SPATA31D4: variants seen among roughly 807,000 people sequenced by gnomAD.
The protein encoded by SPATA31D4 is spermatogenesis-associated protein 31D4.
For missense variants in SPATA31D4, 73 were observed against 279.1 expected, an observed-to-expected ratio of 0.26 and a Z score of 5.26; for synonymous variants, 23 against 102.8, an observed-to-expected ratio of 0.22 and a Z score of 4.70.
rs1823793650 is a variant in SPATA31D4 at position 81,932,973 on chromosome 9, A to G, written c.*58A>G. On this transcript the variant is annotated 3_prime_UTR_variant, in exon 4 of 4. Coordinates refer to ENST00000419782, the MANE Select transcript of SPATA31D4 (RefSeq NM_001145197.1). ...GAACCCATAGAAATCTTCAAATCAG[A>G]AGAGGATATTTCCAATTCCTTTTCC... The G allele has an allele frequency of 8.0e-6, 12 of 1,508,140 alleles. No individual in the cohort carries two copies. Among genetic ancestry groups the G allele is most frequent in the Non-Finnish European group, 1.0e-5 (11 of 1,103,448 alleles). 93.4% of individuals were successfully genotyped at this position (1,508,140 alleles called of 1,614,324 possible).
chr9:81,934,570 A>C lies in SPATA31D4; in HGVS notation c.*1655A>C. On this transcript the variant is annotated 3_prime_UTR_variant, in exon 4 of 4. Coordinates refer to ENST00000419782, the MANE Select transcript of SPATA31D4 (RefSeq NM_001145197.1). The stretch of plus-strand genomic sequence containing the variant: ...ACAACCCAGAAGTGCAGGTCAGAGC[A>C]GAGCCCTTCCAGGGCTATCCCCGCA... 4.4e-6 allele frequency: 4 copies of C among 917,402 alleles called. No homozygotes were observed. In the South Asian group the frequency reaches 5.5e-5, roughly 13 times the overall value. 56.8% of individuals were successfully genotyped at this position (917,402 alleles called of 1,614,324 possible).
Position 81,933,004 on chromosome 9 carries a change from C to G in SPATA31D4, c.*89C>G. On this transcript the variant is annotated 3_prime_UTR_variant, in exon 4 of 4. Transcript: ENST00000419782. The stretch of plus-strand genomic sequence containing the variant: ...ATATTTCCAATTCCTTTTCCCATTT[C>G]TACCTTCCCTCCTCAGCCAGCTTTA... The G allele has an allele frequency of 6.9e-7, 1 of 1,453,450 alleles. No homozygotes were observed. The highest frequency in any genetic ancestry group is 1.2e-5 in the South Asian group (1 of 80,686). The allele number at this position is 1,453,450 out of a possible 1,614,324, so 90.0% of individuals were successfully genotyped here. A position where few individuals can be genotyped will look rare whatever the true frequency, so the allele number is the denominator to read the frequency against.
Position 81,932,839 on chromosome 9 carries a change from G to T in SPATA31D4, c.2678G>T (p.Ser893Ile). ...ACCTCCCAGGAGATGTCCTTCCTTA[G>T]TTCCAACAAACAAAAGATGTTGGAA... ...VDTSQEMSFL[S>I]SNKQKMLEAH... Residue 893 changes from serine to isoleucine, a missense_variant, in exon 4 of 4, where the codon AGT becomes ATT. By Grantham distance (142) the Ser-to-Ile change is moderately radical (BLOSUM62 -2). Transcript: ENST00000419782. The T allele has an allele frequency of 2.0e-6, 3 of 1,526,588 alleles. 1 individual carries two copies. The highest frequency in any genetic ancestry group is 2.7e-6 in the Non-Finnish European group (3 of 1,115,308). 94.6% of individuals were successfully genotyped at this position (1,526,588 alleles called of 1,614,324 possible). A position where few individuals can be genotyped will look rare whatever the true frequency, so the allele number is the denominator to read the frequency against.
In SPATA31D4 at chr9:81,934,178, C is replaced by T. The variant is rs534203103; in HGVS notation, c.*1263C>T. On this transcript the variant is annotated 3_prime_UTR_variant, in exon 4 of 4. Coordinates refer to ENST00000419782, the MANE Select transcript of SPATA31D4 (RefSeq NM_001145197.1). ...ATCCCAACTCACTAGAAAGAGCCTCCCTGTTCATAACAAGGCATCAGGAGA... is the reference window on the plus strand; with the variant it reads ...ATCCCAACTCACTAGAAAGAGCCTCTCTGTTCATAACAAGGCATCAGGAGA... The T allele has an allele frequency of 8.4e-5, 32 of 383,110 alleles. No individual in the cohort carries two copies. The highest frequency in any genetic ancestry group is 1.4e-4 in the Non-Finnish European group (28 of 195,132). The allele number at this position is 383,110 out of a possible 1,614,324, so 23.7% of individuals were successfully genotyped here.
At position 81,933,134 on chromosome 9, in the gene SPATA31D4, C is replaced by T. The variant is rs1480044165; in HGVS notation, c.*219C>T. 1 of 813,914 alleles carries T rather than the reference C, an allele frequency of 1.2e-6. No individual in the cohort carries two copies. The highest frequency in any genetic ancestry group is 2.0e-6 in the Non-Finnish European group (1 of 501,936). 50.4% of individuals were successfully genotyped at this position (813,914 alleles called of 1,614,324 possible). The stretch of plus-strand genomic sequence containing the variant: ...AAGCTCAGTCCCTGTCCTTAATCAT[C>T]CTCAGCCTGTCTCCTCACCTATTGG... On this transcript the variant is annotated 3_prime_UTR_variant, in exon 4 of 4. Coordinates refer to ENST00000419782, the MANE Select transcript of SPATA31D4 (RefSeq NM_001145197.1).
chr9:81,934,585 C>T lies in SPATA31D4; in HGVS notation c.*1670C>T. On this transcript the variant is annotated 3_prime_UTR_variant, in exon 4 of 4. Transcript: ENST00000419782. ...AGGTCAGAGCAGAGCCCTTCCAGGG[C>T]TATCCCCGCAACTACACAGCTCCCT... The T allele has an allele frequency of 1.1e-6, 1 of 922,624 alleles. No individual in the cohort carries two copies. Among genetic ancestry groups the T allele is most frequent in the Non-Finnish European group, 1.6e-6 (1 of 616,918 alleles). 57.2% of individuals were successfully genotyped at this position (922,624 alleles called of 1,614,324 possible). A position where few individuals can be genotyped will look rare whatever the true frequency, so the allele number is the denominator to read the frequency against.
Position 81,932,735 on chromosome 9 carries a change from A to G in SPATA31D4, c.2574A>G (p.Ile858Met), listed in dbSNP as rs961150856. 22 of 1,521,120 alleles carry G rather than the reference A, an allele frequency of 1.4e-5. 2 individuals carry two copies. Among genetic ancestry groups the G allele is most frequent in the Admixed American group, 3.6e-5 (2 of 54,914 alleles). 94.2% of individuals were successfully genotyped at this position (1,521,120 alleles called of 1,614,324 possible). ...CATGGCACTCAGTCAAGCAGACAAT[A>G]TGTCTTCCTGAGAAATCCCACAGCC... ...HSSWHSVKQT[I>M]CLPEKSHSQI... The change falls in exon 4 of 4, where the codon ATA becomes ATG. Residue 858 changes from isoleucine (I) to methionine (M), a missense_variant. By Grantham distance (10) the Ile-to-Met change is conservative (BLOSUM62 1). Coordinates refer to ENST00000419782, the MANE Select transcript of SPATA31D4 (RefSeq NM_001145197.1).
chr9:81,932,834 C>T lies in SPATA31D4; in HGVS notation c.2673C>T (p.Phe891=), dbSNP rs1235217580. The change falls in exon 4 of 4, where the codon TTC becomes TTT. Residue 891 remains phenylalanine (F), a synonymous_variant. Coordinates refer to ENST00000419782, the MANE Select transcript of SPATA31D4 (RefSeq NM_001145197.1). ...TTGATACCTCCCAGGAGATGTCCTT[C>T]CTTAGTTCCAACAAACAAAAGATGT... is the stretch of plus-strand genomic sequence containing the variant. ...HGVDTSQEMS[F]LSSNKQKMLE... 2.6e-6 allele frequency: 4 copies of T among 1,528,590 alleles called. No homozygotes were observed. In the Admixed American group the frequency reaches 5.4e-5, roughly 21 times the overall value. The allele number at this position is 1,528,590 out of a possible 1,614,324, so 94.7% of individuals were successfully genotyped here.
chr9:81,933,120 C>A lies in SPATA31D4; in HGVS notation c.*205C>A. 1.8e-6 allele frequency: 2 copies of A among 1,114,296 alleles called. No homozygotes were observed. Among genetic ancestry groups the A allele is most frequent in the African/African-American group, 1.5e-5 (1 of 66,482 alleles). The allele number at this position is 1,114,296 out of a possible 1,614,324, so 69.0% of individuals were successfully genotyped here. ...AAGTTGGGAACAACAAGCTCAGTCC[C>A]TGTCCTTAATCATCCTCAGCCTGTC... On this transcript the variant is annotated 3_prime_UTR_variant, in exon 4 of 4. Transcript: ENST00000419782.
chr9:81,934,120 A>T lies in SPATA31D4; in HGVS notation c.*1205A>T. ...TGAGCCCTTTAAGACCCAATGGAGG[A>T]GAGCTTGGTGGAGGGGATGCAGGGT... On this transcript the variant is annotated 3_prime_UTR_variant, in exon 4 of 4. Coordinates refer to ENST00000419782, the MANE Select transcript of SPATA31D4 (RefSeq NM_001145197.1). 7.1e-6 allele frequency: 3 copies of T among 421,300 alleles called. 1 individual carries two copies. Among genetic ancestry groups the T allele is most frequent in the Non-Finnish European group, 1.3e-5 (3 of 222,766 alleles). 26.1% of individuals were successfully genotyped at this position (421,300 alleles called of 1,614,324 possible).
At position 81,934,679 on chromosome 9, in the gene SPATA31D4, A is replaced by C; in HGVS notation, c.*1764A>C. ...CTTTGTTGGACAGAATTATCCTACA[A>C]GGATTAGACAGATCATAGACAAGGA... On this transcript the variant is annotated 3_prime_UTR_variant, in exon 4 of 4. Transcript: ENST00000419782. The C allele has an allele frequency of 3.0e-5, 20 of 668,984 alleles. 2 individuals are homozygous for C. The South Asian group carries it at 3.2e-4, about 11-fold the overall frequency. 41.4% of individuals were successfully genotyped at this position (668,984 alleles called of 1,614,324 possible).
At chr9:81,930,204 T>A in intron 3 of SPATA31D4, 44 bp downstream of exon 3, 76 of 201,054 alleles carry the variant, frequency 3.8e-4, no homozygotes, top group Middle Eastern at 1.6e-3. Flanking sequence ...CCGCCTTCTT[T>A]TTTTTTTTTT....
chr9:81,932,923 G>A lies in SPATA31D4; in HGVS notation c.*8G>A, dbSNP rs1432187570. ...TTAAATCTTTCCATATGAGGATGCT[G>A]TGGGGCCTTCCCCGCAAGATCCGTG... is the stretch of plus-strand genomic sequence containing the variant. On this transcript the variant is annotated 3_prime_UTR_variant, in exon 4 of 4. Transcript: ENST00000419782. 2.0e-6 allele frequency: 3 copies of A among 1,501,546 alleles called. No individual in the cohort carries two copies. Among genetic ancestry groups the A allele is most frequent in the Non-Finnish European group, 2.7e-6 (3 of 1,100,404 alleles). 93.0% of individuals were successfully genotyped at this position (1,501,546 alleles called of 1,614,324 possible).
In SPATA31D4 at chr9:81,933,114, C is replaced by T. The variant is rs1333883437; in HGVS notation, c.*199C>T. On this transcript the variant is annotated 3_prime_UTR_variant, in exon 4 of 4. Transcript: ENST00000419782. The stretch of plus-strand genomic sequence containing the variant: ...GGAGAAAAGTTGGGAACAACAAGCT[C>T]AGTCCCTGTCCTTAATCATCCTCAG... 50 of 1,173,294 alleles carry T rather than the reference C, an allele frequency of 4.3e-5. 7 individuals carry two copies. The highest frequency in any genetic ancestry group is 1.3e-4 in the Admixed American group (7 of 53,442). The allele number at this position is 1,173,294 out of a possible 1,614,324, so 72.7% of individuals were successfully genotyped here.
rs1227101003 is a variant in SPATA31D4, at chr9:81,933,381, T to C, written c.*466T>C. ...AAGCAGGGGACCCTCAGAAGAGAAT[T>C]CGCTGATACTGACGAGGATCTTACA... On this transcript the variant is annotated 3_prime_UTR_variant, in exon 4 of 4. Coordinates refer to ENST00000419782, the MANE Select transcript of SPATA31D4 (RefSeq NM_001145197.1). The C allele has an allele frequency of 2.5e-5, 4 of 162,372 alleles. No homozygotes were observed. The Admixed American group carries it at 4.3e-4, about 17-fold the overall frequency. The allele number at this position is 162,372 out of a possible 1,614,324, so 10.1% of individuals were successfully genotyped here. A position where few individuals can be genotyped will look rare whatever the true frequency, so the allele number is the denominator to read the frequency against.
chr9:81,934,811 CA>C lies in SPATA31D4; in HGVS notation c.*1897del. 5.6e-6 allele frequency: 3 copies of C among 535,878 alleles called. No homozygotes were observed. Among genetic ancestry groups the C allele is most frequent in the Non-Finnish European group, 1.0e-5 (3 of 296,318 alleles). 33.2% of individuals were successfully genotyped at this position (535,878 alleles called of 1,614,324 possible). ...TGTGCCACATCTAAACCCCACTTGT[CA>C]GCGTCAAGTCACCCTGGTGTGTCCA... On this transcript the variant is annotated 3_prime_UTR_variant, in exon 4 of 4. Coordinates refer to ENST00000419782, the MANE Select transcript of SPATA31D4 (RefSeq NM_001145197.1).
rs1374517737 is a variant in SPATA31D4 at position 81,932,927 on chromosome 9, G to T, written c.*12G>T. On this transcript the variant is annotated 3_prime_UTR_variant, in exon 4 of 4. Transcript: ENST00000419782. ...ATCTTTCCATATGAGGATGCTGTGG[G>T]GCCTTCCCCGCAAGATCCGTGAACC... 1 of 1,502,066 alleles carries T rather than the reference G, an allele frequency of 6.7e-7. No homozygotes were observed. The highest frequency in any genetic ancestry group is 9.1e-7 in the Non-Finnish European group (1 of 1,100,614). 93.0% of individuals were successfully genotyped at this position (1,502,066 alleles called of 1,614,324 possible).
rs1823821384 is a variant in SPATA31D4, at chr9:81,934,153, A to G, written c.*1238A>G. On this transcript the variant is annotated 3_prime_UTR_variant, in exon 4 of 4. Transcript: ENST00000419782. ...GTGGAGGGGATGCAGGGTTGGGGAC[A>G]TCCCAACTCACTAGAAAGAGCCTCC... 10 of 411,460 alleles carry G rather than the reference A, an allele frequency of 2.4e-5. No individual in the cohort carries two copies. Among genetic ancestry groups the G allele is most frequent in the Non-Finnish European group, 4.7e-5 (10 of 212,430 alleles). The allele number at this position is 411,460 out of a possible 1,614,324, so 25.5% of individuals were successfully genotyped here. A position where few individuals can be genotyped will look rare whatever the true frequency, so the allele number is the denominator to read the frequency against.
Position 81,930,164 on chromosome 9 carries a change from A to G in SPATA31D4, c.293+4A>G. The G allele has an allele frequency of 4.8e-6, 1 of 206,728 alleles. No homozygotes were observed. Among genetic ancestry groups the G allele is most frequent in the Non-Finnish European group, 7.4e-6 (1 of 134,474 alleles). 12.8% of individuals were successfully genotyped at this position (206,728 alleles called of 1,614,324 possible). A position where few individuals can be genotyped will look rare whatever the true frequency, so the allele number is the denominator to read the frequency against. On this transcript the variant is annotated splice_donor_region_variant and intron_variant, in intron 3 of 3. Coordinates refer to ENST00000419782, the MANE Select transcript of SPATA31D4 (RefSeq NM_001145197.1). ...AGCTACATTCTTTTCTGAAAAGGTG[A>G]TTAATCATTCCCCTTCTATCCTGTT...
Sources: allele counts gnomAD v4.1 joint callset, GRCh38; gene constraint gnomAD v4.1.1; transcripts MANE v1.5; gene names NCBI Gene and HGNC (gene_info 2026-07-23, HGNC 2026-07-21).